The following ADAMTSL1 variants were observed in gnomAD, a reference collection of about 807,000 sequenced individuals.
ADAMTSL1 encodes ADAMTS-like protein 1.
A neutral mutation model predicts 201.8 loss-of-function variants in ADAMTSL1; 126 were observed. The ratio of observed to expected loss-of-function variants is 0.62; its 90% CI spans 0.54 to 0.72. The LOEUF (loss-of-function observed/expected upper bound fraction) is 0.72, where lower values mean the gene tolerates loss of function less well. Ranked by LOEUF, ADAMTSL1 falls within the 30% of genes least tolerant of loss-of-function variation. The probability of loss-of-function intolerance (pLI) is 0.00; values close to 1 mark genes in which losing one functional copy is unlikely to be tolerated. For missense variants in ADAMTSL1, 2,679 were observed against 2,277.8 expected (o/e 1.18, Z -3.59); for synonymous variants, 1,121 against 903.4 (o/e 1.24, Z -4.32).
intron 5 of ADAMTSL1, among the ~76,000 whole-genome samples, chr9:18,635,582 A>T (rs1421919902): frequency 6.6e-6 from 1 of 152,168 alleles, no homozygotes; most frequent in African/African-American, 2.4e-5. Flanking sequence ...GATGTAATAA[A>T]TTCATCCTTT....
chr9:18,013,935 T>C (rs1020384079), intron 1 of ADAMTSL1, among the ~76,000 whole-genome samples: 4 of 151,336 alleles, frequency 2.6e-5, no homozygotes, highest in African/African-American at 9.7e-5. Context: ...CATCATTCTG[T>C]AACTATGGTA....
At chr9:18,063,342 C>T (rs1218609567) in intron 1 of ADAMTSL1, among the ~76,000 whole-genome samples, 2 of 152,082 alleles carry the variant, frequency 1.3e-5, no homozygotes, top group African/African-American at 4.8e-5. Flanking sequence ...GAGCAAGAGC[C>T]CACTATTAAA....
intron 19 of ADAMTSL1, among the ~76,000 whole-genome samples, chr9:18,779,932 G>A (rs1315116196): frequency 1.3e-5 from 2 of 152,158 alleles, no homozygotes; most frequent in Non-Finnish European, 2.9e-5. Flanking sequence ...GGGATTGAAG[G>A]GAATCACGAC....
At chr9:18,361,802 A>C (rs1440329927) in intron 2 of ADAMTSL1, among the ~76,000 whole-genome samples, 1 of 152,202 alleles carries the variant, frequency 6.6e-6, no homozygotes, top group Non-Finnish European at 1.5e-5. Context: ...ACCAAACCCA[A>C]CTAAATGAAT....
intron 23 of ADAMTSL1, among the ~76,000 whole-genome samples, chr9:18,873,409 T>G (rs949889447): frequency 4.6e-5 from 7 of 152,226 alleles, no homozygotes; most frequent in African/African-American, 1.7e-4. Flanking sequence ...AGTGTTACCT[T>G]CTAGAATTTT....
intron 2 of ADAMTSL1, among the ~76,000 whole-genome samples, chr9:18,267,455 T>C (rs1832162442): frequency 6.6e-6 from 1 of 152,150 alleles, no homozygotes. Flanking sequence ...AACACATTTT[T>C]CTTGCCACCA....
chr9:18,160,292 C>T (rs1827326411), intron 1 of ADAMTSL1, among the ~76,000 whole-genome samples: 2 of 152,028 alleles, frequency 1.3e-5, no homozygotes, highest in Admixed American at 6.6e-5. Context: ...GGAGAACTAT[C>T]CTTAGGAGTC....
In ADAMTSL1 at chr9:17,907,610, C is replaced by T. The variant is rs564954085; in HGVS notation, c.87+688C>T. Reference sequence around the variant, plus strand: ...GTGTATAAGGAACTGGGGACTTCTCCAGGGTGGGAAATTCAGGCCCTGAGG... The same window carrying T: ...GTGTATAAGGAACTGGGGACTTCTCTAGGGTGGGAAATTCAGGCCCTGAGG... On this transcript the variant is annotated intron_variant, in intron 1 of 29. Transcript: ENST00000680146. 3.3e-5 allele frequency among the ~76,000 whole-genome samples: 5 copies of T among 152,226 alleles called. No individual in the cohort carries two copies. The East Asian group carries it at 9.7e-4, about 30-fold the overall frequency.
At chr9:18,735,750 T>TTTCTTTTC (rs1266059043) in intron 15 of ADAMTSL1, among the ~76,000 whole-genome samples, 12 of 40,078 alleles carry the variant, frequency 3.0e-4, no homozygotes, top group African/African-American at 4.5e-4. Flanking sequence ...TCTTTTTTCT[T>TTTCTTTTC]TTTTTTTTTT....
chr9:18,605,553 AAAG>A (rs1296421380), intron 4 of ADAMTSL1, among the ~76,000 whole-genome samples: 5 of 152,194 alleles, frequency 3.3e-5, no homozygotes, highest in Admixed American at 6.5e-5. Context: ...CCACCTTGGG[AAAG>A]AAGAACAGAA....
intron 2 of ADAMTSL1, among the ~76,000 whole-genome samples, chr9:18,364,749 G>A (rs145087203): frequency 1.2e-4 from 19 of 152,216 alleles, no homozygotes; most frequent in Admixed American, 3.9e-4. Context: ...TAGCTTCTGC[G>A]TCTTGGGAGG....
chr9:17,914,084 T>C (rs199860802), intron 1 of ADAMTSL1, among the ~76,000 whole-genome samples: 9 of 152,152 alleles, frequency 5.9e-5, no homozygotes, highest in Non-Finnish European at 1.0e-4. Context: ...CCGAATTCTA[T>C]CAGAGGTACA....
chr9:17,948,213 C>T (rs1439671027), intron 1 of ADAMTSL1, among the ~76,000 whole-genome samples: 1 of 152,210 alleles, frequency 6.6e-6, no homozygotes, highest in Non-Finnish European at 1.5e-5. Flanking sequence ...TCATAGCTTT[C>T]CGCCACAATA....
chr9:17,940,633 T>C (rs1017291505), intron 1 of ADAMTSL1, among the ~76,000 whole-genome samples: 1 of 151,598 alleles, frequency 6.6e-6, no homozygotes, highest in Non-Finnish European at 1.5e-5. Context: ...AAGAGGGGGT[T>C]TGCATTATAA....
intron 3 of ADAMTSL1, among the ~76,000 whole-genome samples, chr9:18,540,617 G>A (rs151080528): frequency 1.3e-5 from 2 of 152,162 alleles, no homozygotes; most frequent in Non-Finnish European, 2.9e-5. Context: ...AGCCCCACAT[G>A]TTATTTCATA....
intron 1 of ADAMTSL1, among the ~76,000 whole-genome samples, chr9:18,497,941 T>TCTAAATCC (rs1822614589): frequency 6.6e-6 from 1 of 152,226 alleles, no homozygotes; most frequent in Non-Finnish European, 1.5e-5. Flanking sequence ...AGTCGGATTT[T>TCTAAATCC]TGTTTCCTAA....
At chr9:18,822,941 C>T (rs1220300724) in intron 21 of ADAMTSL1, among the ~76,000 whole-genome samples, 2 of 152,050 alleles carry the variant, frequency 1.3e-5, no homozygotes, top group East Asian at 1.9e-4. Flanking sequence ...TTTTTTAAAG[C>T]GTCGTTGTCA....
chr9:18,634,001 T>A (rs751831267), intron 5 of ADAMTSL1, among the ~76,000 whole-genome samples: 2 of 152,206 alleles, frequency 1.3e-5, no homozygotes, highest in Admixed American at 1.3e-4. Context: ...TGTTCCAGGC[T>A]ATACATCCCT....
At chr9:18,111,812 C>T (rs1183786328) in intron 1 of ADAMTSL1, among the ~76,000 whole-genome samples, 1 of 152,180 alleles carries the variant, frequency 6.6e-6, no homozygotes, top group Non-Finnish European at 1.5e-5. Flanking sequence ...CAACCACTGG[C>T]TATTTCCATG....
Sources: allele counts gnomAD v4.1 joint callset (sites outside exome capture counted in the v4.1 genomes callset), GRCh38; gene constraint gnomAD v4.1.1; transcripts MANE v1.5; gene names NCBI Gene and HGNC (gene_info 2026-07-23, HGNC 2026-07-21).